Variants in TTN observed in about 807,000 individuals in gnomAD.
TTN encodes connectin.
Under a neutral mutation model 3,223.0 loss-of-function variants are expected in TTN, and 1,525 were observed. That is an observed-to-expected ratio of 0.47 (90% CI 0.45 to 0.49). The LOEUF is 0.49. TTN is among the 20% of genes least tolerant of loss of function. The probability of loss-of-function intolerance (pLI) is 0.00; values close to 1 mark genes in which losing one functional copy is unlikely to be tolerated. For synonymous variants in TTN, 14,094 were observed against 15,161.0 expected (o/e 0.93, Z 5.17); for missense variants, 40,786 against 43,424.0 (o/e 0.94, Z 5.40).
rs753095229 is a variant in TTN, at chr2:178,605,701, G to A, written c.53594C>T (p.Ser17865Phe). 2.0e-6 allele frequency: 3 copies of A among 1,537,802 alleles called. No homozygotes were observed. In the South Asian group the frequency reaches 3.9e-5, roughly 20 times the overall value. Residue 17865 changes from serine to phenylalanine, a missense_variant, in exon 279 of 363, where the codon TCT becomes TTT. By Grantham distance (155) the Ser-to-Phe change is radical. Transcript: ENST00000589042. ...TTCAGTGTATGTGAGCCTCTCTGGA[G>A]ATGTTGGAGGACCTTTAGCCAGAGG... is the stretch of plus-strand genomic sequence containing the variant. ...LAVDPLGPPT[S>F]PERLTYTERT...
rs1704957831 is a variant in TTN, at chr2:178,564,543, C to T, written c.81589G>A (p.Asp27197Asn). 2 of 1,613,182 alleles carry T rather than the reference C, an allele frequency of 1.2e-6. No individual in the cohort carries two copies. Among genetic ancestry groups the T allele is most frequent in the African/African-American group, 1.3e-5 (1 of 74,900 alleles). The stretch of plus-strand genomic sequence containing the variant: ...TAACCTGTTATTTTGCTACCACCAT[C>T]ATAGGCAGGTTTCTTCCATTTCAGT... ...VTLKWKKPAY[D>N]GGSKITGYIV... Residue 27197 changes from aspartate (D) to asparagine (N), a missense_variant, in exon 326 of 363, where the codon GAT becomes AAT. By Grantham distance (23) the Asp-to-Asn change is conservative. Coordinates refer to ENST00000589042, the MANE Select transcript of TTN (RefSeq NM_001267550.2).
rs1293914650 is a variant in TTN at position 178,797,454 on chromosome 2, T to C, written c.914+2033A>G. Among the ~76,000 whole-genome samples, 6 of 152,076 alleles carry C rather than the reference T, an allele frequency of 3.9e-5. No individual in the cohort carries two copies. The South Asian group carries it at 8.3e-4, about 21-fold the overall frequency. On this transcript the variant is annotated intron_variant, in intron 6 of 362. Coordinates refer to ENST00000589042, the MANE Select transcript of TTN (RefSeq NM_001267550.2). ...ATCTTTTGTCTTTTTTTGTGTTGCA[T>C]TTTTTTCCTTTAAAAATTAATTTGT... is the stretch of plus-strand genomic sequence containing the variant.
Position 178,579,792 on chromosome 2 carries a change from T to G in TTN, c.67405A>C (p.Ser22469Arg), listed in dbSNP as rs753623758. 5 of 1,613,210 alleles carry G rather than the reference T, an allele frequency of 3.1e-6. No homozygotes were observed. The highest frequency in any genetic ancestry group is 3.4e-6 in the Non-Finnish European group (4 of 1,179,492). ...KVRSVSKSSCSIGWKKPHSDG... is the reference protein window; with the variant it reads ...KVRSVSKSSCRIGWKKPHSDG... ...CTGTGAGGCTTTTTCCAGCCAATGC[T>G]ACAGGATGACTTAGATACAGACCTC... Residue 22469 changes from serine (S) to arginine (R), a missense_variant, in exon 319 of 363, where the codon AGC becomes CGC. Transcript: ENST00000589042.
rs377159346 is a variant in TTN at position 178,632,707 on chromosome 2, C to T, written c.43299G>A (p.Arg14433=). 1.2e-6 allele frequency: 2 copies of T among 1,613,350 alleles called. No individual in the cohort carries two copies. The highest frequency in any genetic ancestry group is 4.5e-5 in the East Asian group (2 of 44,820). The change falls in exon 235 of 363, where the codon AGG becomes AGA. Residue 14433 remains arginine, a synonymous_variant. Transcript: ENST00000589042. ...DEAKFECEVS[R]EPKTFRWLKG... ...TTAGCCAACGGAATGTTTTGGGCTCCCTGGATACTTCACACTCAAACTTAG... is the reference window on the plus strand; with the variant it reads ...TTAGCCAACGGAATGTTTTGGGCTCTCTGGATACTTCACACTCAAACTTAG...
rs1687009141 is a variant in TTN at position 178,527,622 on chromosome 2, A to C, written c.107504T>G (p.Phe35835Cys). The change falls in exon 362 of 363, where the codon TTC becomes TGC. Residue 35835 changes from phenylalanine (F) to cysteine (C), a missense_variant. Transcript: ENST00000589042. ...CATGCTGCTAGCACTGCTGCTGCTG[A>C]AACTGCTGAAGGAGGCCTCCTGCTT... is the stretch of plus-strand genomic sequence containing the variant. ...ASKQEASFSS[F>C]SSSSASSMTE... is the part of the protein sequence containing the mutation. The C allele has an allele frequency of 1.2e-6, 2 of 1,614,014 alleles. No homozygotes were observed. Among genetic ancestry groups the C allele is most frequent in the Non-Finnish European group, 8.5e-7 (1 of 1,179,868 alleles).
In TTN at chr2:178,535,044, C is replaced by A. The variant is rs1690812361; in HGVS notation, c.101571G>T (p.Gln33857His). Reference protein sequence around the residue: ...AKFVKVKGTDQVLVKKEISIL... With the variant: ...AKFVKVKGTDHVLVKKEISIL... ...TGGAAATTTCCTTCTTTACCAAAAC[C>A]TGATCAGTCCCTTTGACTTTAACAA... The change falls in exon 358 of 363, where the codon CAG (glutamine) becomes CAT (histidine). Residue 33857 changes from glutamine (Q) to histidine (H), a missense_variant. Transcript: ENST00000589042. The A allele has an allele frequency of 1.2e-6, 2 of 1,613,870 alleles. No homozygotes were observed. Among genetic ancestry groups the A allele is most frequent in the South Asian group, 1.1e-5 (1 of 91,078 alleles).
intron 47 of TTN, chr2:178,746,475 C>A: frequency 6.2e-7 from 1 of 1,612,610 alleles, no homozygotes; most frequent in Non-Finnish European, 8.5e-7. Flanking sequence ...AGGACAATTT[C>A]TTGAGGAGAA....
rs727505134 is a variant in TTN, at chr2:178,564,835, A to G, written c.81297T>C (p.Asp27099=). ...GGTAGCCAATAATTTTGGTGCCTCC[A>G]TCATTCACTGGCTCATGCCATTGCA... ...MLVQWHEPVN[D]GGTKIIGYHL... is the part of the protein sequence containing the mutation. The change falls in exon 326 of 363, where the codon GAT becomes GAC. Residue 27099 remains aspartate, a synonymous_variant. Transcript: ENST00000589042. 1.1e-5 allele frequency: 18 copies of G among 1,613,144 alleles called. 1 individual carries two copies. In the African/African-American group the frequency reaches 1.7e-4, roughly 16 times the overall value.
In TTN at chr2:178,620,879, T is replaced by G. The variant is rs759829017; in HGVS notation, c.45731A>C (p.Glu15244Ala). Reference sequence around the variant, plus strand: ...TTTTGAACTATCAAATATAGCTTCTTCATTTCTGAACCATTTGGCTTTGGC... The same window carrying G: ...TTTTGAACTATCAAATATAGCTTCTGCATTTCTGAACCATTTGGCTTTGGC... ...EGAKAKWFRN[E>A]EAIFDSSKYI... The change falls in exon 247 of 363, where the codon GAA (glutamate) becomes GCA (alanine). Residue 15244 changes from glutamate (E) to alanine (A), a missense_variant. Physicochemically the swap from Glu to Ala is moderately radical, Grantham distance 107. Transcript: ENST00000589042. 2.5e-6 allele frequency: 4 copies of G among 1,612,504 alleles called. No homozygotes were observed. The highest frequency in any genetic ancestry group is 3.4e-6 in the Non-Finnish European group (4 of 1,179,148).
chr2:178,622,625 T>A (rs1465713894), intron 243 of TTN, 45 bp downstream of exon 243: 5 of 1,487,902 alleles, frequency 3.4e-6, no homozygotes, highest in Non-Finnish European at 4.6e-6. Flanking sequence ...AAAGTAAATA[T>A]AAAGTTATTT....
At chr2:178,703,466 C>T (rs1487886039) in intron 106 of TTN, among the ~76,000 whole-genome samples, 1 of 152,126 alleles carries the variant, frequency 6.6e-6, no homozygotes, top group Non-Finnish European at 1.5e-5. Flanking sequence ...TTATGTAAAT[C>T]CAATGTCATA....
rs751928755 is a variant in TTN, at chr2:178,667,635, T to C, written c.35629+3A>G. ...TTCAGAGTGGATCATTGGTGTTATA[T>C]ACCTTTTGCTAGTTTGGGTTTTGTC... is the stretch of plus-strand genomic sequence containing the variant. On this transcript the variant is annotated splice_donor_region_variant and intron_variant, in intron 160 of 362. Transcript: ENST00000589042. The C allele has an allele frequency of 1.9e-6, 3 of 1,595,288 alleles. No homozygotes were observed. In the South Asian group the frequency reaches 3.3e-5, roughly 18 times the overall value.
In TTN at chr2:178,712,756, G is replaced by A; in HGVS notation, c.27269C>T (p.Thr9090Ile). Residue 9090 changes from threonine to isoleucine, a missense_variant, in exon 94 of 363, where the codon ACT becomes ATT. Coordinates refer to ENST00000589042, the MANE Select transcript of TTN (RefSeq NM_001267550.2). The stretch of plus-strand genomic sequence containing the variant: ...GCCAGCTTCATTGCTAACTATGCAA[G>A]TATATTCTCCACTTTGTGATGTATC... ...DVDTSQSGEY[T>I]CIVSNEAGKA... 1.9e-6 allele frequency: 3 copies of A among 1,613,890 alleles called. No homozygotes were observed. Among genetic ancestry groups the A allele is most frequent in the Non-Finnish European group, 2.5e-6 (3 of 1,179,806 alleles).
rs755178087 is a variant in TTN, at chr2:178,565,010, G to A, written c.81122C>T (p.Thr27041Met). 6.2e-6 allele frequency: 10 copies of A among 1,613,042 alleles called. No homozygotes were observed. The highest frequency in any genetic ancestry group is 4.5e-5 in the East Asian group (2 of 44,850). ...AGCAAAAATTCTAAACTGGTACTCC[G>A]TGCCTGTTTTCAGTTTGGTTATTTT... is the stretch of plus-strand genomic sequence containing the variant. ...TIKITKLKTGTEYQFRIFAEN... is the reference protein window; with the variant it reads ...TIKITKLKTGMEYQFRIFAEN... The change falls in exon 326 of 363, where the codon ACG becomes ATG. Residue 27041 changes from threonine to methionine, a missense_variant. By Grantham distance (81) the Thr-to-Met change is moderately conservative. Transcript: ENST00000589042.
In TTN at chr2:178,595,667, T is replaced by G; in HGVS notation, c.57687A>C (p.Arg19229Ser). ...YVIEKRESDR[R>S]AWTPVTYTVT... ...CTGTATATGTCACTGGGGTCCATGC[T>G]CTGCGGTCAGATTCACGCTTTTCAA... The change falls in exon 295 of 363, where the codon AGA becomes AGC. Residue 19229 changes from arginine to serine, a missense_variant. Physicochemically the swap from Arg to Ser is moderately radical, Grantham distance 110. Coordinates refer to ENST00000589042, the MANE Select transcript of TTN (RefSeq NM_001267550.2). The G allele has an allele frequency of 1.2e-6, 2 of 1,608,678 alleles. No homozygotes were observed. Among genetic ancestry groups the G allele is most frequent in the Non-Finnish European group, 1.7e-6 (2 of 1,177,508 alleles).
Position 178,546,908 on chromosome 2 carries a change from G to C in TTN, c.94523-3C>G. ...CACCTCTGGTCTGCCTGGTGCATCT[G>C]GAAGGGATGCAAAAATAAGGTTAAA... is the stretch of plus-strand genomic sequence containing the variant. On this transcript the variant is annotated splice_polypyrimidine_tract_variant and splice_region_variant and intron_variant, in intron 340 of 362. Transcript: ENST00000589042. 1 of 1,577,082 alleles carries C rather than the reference G, an allele frequency of 6.3e-7. No individual in the cohort carries two copies. The highest frequency in any genetic ancestry group is 8.6e-7 in the Non-Finnish European group (1 of 1,159,738).
intron 47 of TTN, chr2:178,747,542 T>C (rs1269362416): frequency 1.2e-6 from 2 of 1,613,352 alleles, no homozygotes; most frequent in Non-Finnish European, 1.7e-6. Context: ...CTGTTTCTGG[T>C]TGTAGTATTC....
Position 178,793,528 on chromosome 2 carries a change from G to A in TTN, c.1412C>T (p.Ala471Val), listed in dbSNP as rs754127089. The part of the protein sequence containing the change: ...QPAQEQVRKE[A>V]EKTAVTKVVV... The stretch of plus-strand genomic sequence containing the variant: ...TACCTTAGTTACAGCAGTCTTCTCC[G>A]CTTCCTTTCTTACCTGCTTTTCATA... Residue 471 changes from alanine (A) to valine (V), a missense_variant, in exon 9 of 363, where the codon GCG becomes GTG. By Grantham distance (64) the Ala-to-Val change is moderately conservative. Coordinates refer to ENST00000589042, the MANE Select transcript of TTN (RefSeq NM_001267550.2). The A allele has an allele frequency of 1.3e-5, 21 of 1,613,680 alleles. No homozygotes were observed. The highest frequency in any genetic ancestry group is 8.9e-5 in the East Asian group (4 of 44,884).
Position 178,611,071 on chromosome 2 carries a change from C to A in TTN, c.51058G>T (p.Ala17020Ser), listed in dbSNP as rs1232414991. 1 of 1,612,820 alleles carries A rather than the reference C, an allele frequency of 6.2e-7. No homozygotes were observed. The highest frequency in any genetic ancestry group is 8.5e-7 in the Non-Finnish European group (1 of 1,179,190). The change falls in exon 270 of 363, where the codon GCA becomes TCA. Residue 17020 changes from alanine (A) to serine (S), a missense_variant. Coordinates refer to ENST00000589042, the MANE Select transcript of TTN (RefSeq NM_001267550.2). Reference protein sequence around the residue: ...AHLEVPKSVRADAGIYTITLE... With the variant: ...AHLEVPKSVRSDAGIYTITLE... ...GTAATGGTATAAATTCCGGCATCTGCACGGACACTCTTGGGAACTTCAAGG... is the reference window on the plus strand; with the variant it reads ...GTAATGGTATAAATTCCGGCATCTGAACGGACACTCTTGGGAACTTCAAGG...
Sources: gnomAD v4.1 joint callset for allele counts (sites outside exome capture counted in the v4.1 genomes callset) on GRCh38, gnomAD v4.1.1 for gene constraint, MANE v1.5 for transcripts, NCBI Gene and HGNC (gene_info 2026-07-23, HGNC 2026-07-21) for gene names.